Variants in CD320 observed in about 807,000 individuals in gnomAD.
The protein encoded by CD320 is CD320 antigen.
A neutral mutation model predicts 22.1 loss-of-function variants in CD320; 16 were observed. That is an observed-to-expected ratio of 0.73 (90% CI 0.49 to 1.10). The LOEUF (loss-of-function observed/expected upper bound fraction) is 1.10. CD320 is among the 50% of genes least tolerant of loss of function. The pLI is 0.00. For synonymous variants in CD320, 188 were observed against 167.8 expected, an observed-to-expected ratio of 1.12 and a Z score of -0.93; for missense variants, 388 against 376.9, an observed-to-expected ratio of 1.03 and a Z score of -0.24.
chr19:8,304,994 C>A (rs555393902), intron 2 of CD320, 37 bp downstream of exon 2: 3 of 1,598,562 alleles, frequency 1.9e-6, no homozygotes, highest in Admixed American at 1.7e-5. Flanking sequence ...TCAGGCCCCG[C>A]CCCCTGTAAG....
chr19:8,303,994 G>T lies in CD320; in HGVS notation c.363C>A (p.Asp121Glu), dbSNP rs1354321699. 3 of 1,572,534 alleles carry T rather than the reference G, an allele frequency of 1.9e-6. No individual in the cohort carries two copies. In the African/African-American group the frequency reaches 4.1e-5, roughly 21 times the overall value. The change falls in exon 3 of 5, where the codon GAC (aspartate) becomes GAA (glutamate). Residue 121 changes from aspartate (D) to glutamate (E), a missense_variant. Physicochemically the swap from Asp to Glu is conservative, Grantham distance 45. Transcript: ENST00000301458. ...GGCGGCTGCAGTTGCGCAGTTTCTT[G>T]TCAGTTCCCCCAGAGCAGTCACTGA... ...TGVSDCSGGTDKKLRNCSRLA... is the reference protein window; with the variant it reads ...TGVSDCSGGTEKKLRNCSRLA...
intron 1 of CD320, among the ~76,000 whole-genome samples, chr19:8,307,839 C>T (rs928145446): frequency 2.0e-5 from 3 of 152,162 alleles, no homozygotes; most frequent in Admixed American, 2.0e-4. Flanking sequence ...GCTTTCCTGA[C>T]CACGCTGGTA....
At chr19:8,303,128 TTTTTTG>T in intron 3 of CD320, 148 bp from the exon 4 acceptor site, 1 of 689,814 alleles carries the variant, frequency 1.4e-6, no homozygotes, top group Non-Finnish European at 2.5e-6. Context: ...TTTTTTTTTT[TTTTTTG>T]GAGAGGGAGT....
At chr19:8,303,770 CCA>C in intron 3 of CD320, 83 bp downstream of exon 3, 1 of 904,488 alleles carries the variant, frequency 1.1e-6, no homozygotes, top group East Asian at 2.6e-5. Flanking sequence ...AGGCATGTGT[CCA>C]CGCCCCCAGC....
chr19:8,303,748 A>G, intron 3 of CD320, 107 bp downstream of exon 3: 1 of 757,170 alleles, frequency 1.3e-6, no homozygotes, highest in Non-Finnish European at 2.3e-6. Flanking sequence ...ACAGGGATGC[A>G]GGCACGGGCA....
In CD320 at chr19:8,308,346, C is replaced by T; in HGVS notation, c.-56G>A. The T allele has an allele frequency of 1.9e-6, 3 of 1,550,830 alleles. No homozygotes were observed. The highest frequency in any genetic ancestry group is 1.4e-5 in the African/African-American group (1 of 73,250). ...TGTCCAGACCGCTCTCTTATCCCTG[C>T]GCACGCGCACGCGCGGGGTTGGGGC... On this transcript the variant is annotated 5_prime_UTR_variant, in exon 1 of 5. Transcript: ENST00000301458.
At position 8,303,997 on chromosome 19, in the gene CD320, A is replaced by G. The variant is rs1970050014; in HGVS notation, c.360T>C (p.Thr120=). The change falls in exon 3 of 5, where the codon ACT becomes ACC. Residue 120 remains threonine, a synonymous_variant. Coordinates refer to ENST00000301458, the MANE Select transcript of CD320 (RefSeq NM_016579.4). ...CTGVSDCSGG[T]DKKLRNCSRL... ...GGCTGCAGTTGCGCAGTTTCTTGTCAGTTCCCCCAGAGCAGTCACTGACGC... is the reference window on the plus strand; with the variant it reads ...GGCTGCAGTTGCGCAGTTTCTTGTCGGTTCCCCCAGAGCAGTCACTGACGC... 1 of 1,571,268 alleles carries G rather than the reference A, an allele frequency of 6.4e-7. No individual in the cohort carries two copies. Among genetic ancestry groups the G allele is most frequent in the South Asian group, 1.2e-5 (1 of 85,760 alleles).
chr19:8,305,034 A>T lies in CD320; in HGVS notation c.265T>A (p.Cys89Ser). 1 of 1,606,194 alleles carries T rather than the reference A, an allele frequency of 6.2e-7. No homozygotes were observed. The highest frequency in any genetic ancestry group is 8.5e-7 in the Non-Finnish European group (1 of 1,179,576). ...DCSDGSDEEE[C>S]RIEPCTQKGQ... ...GCCAAGGGGCGTGGCCACTCACTGC[A>T]CTCCTCCTCATCGCTGCCATCGCTG... Residue 89 changes from cysteine (C) to serine (S), a missense_variant, in exon 2 of 5, where the codon TGC becomes AGC. Transcript: ENST00000301458.
chr19:8,308,113 G>A (rs1039238660), intron 1 of CD320, 36 bp downstream of exon 1: 2 of 1,446,466 alleles, frequency 1.4e-6, no homozygotes, highest in African/African-American at 1.5e-5. Flanking sequence ...GAAGCCTCGC[G>A]AGGGGTGGGA....
In CD320 at chr19:8,308,332, C is replaced by A; in HGVS notation, c.-42G>T. 6.4e-7 allele frequency: 1 copy of A among 1,572,528 alleles called. No homozygotes were observed. Among genetic ancestry groups the A allele is most frequent in the East Asian group, 2.3e-5 (1 of 43,128 alleles). On this transcript the variant is annotated 5_prime_UTR_variant, in exon 1 of 5. Transcript: ENST00000301458. ...CGCCGGCCACGCGCTGTCCAGACCG[C>A]TCTCTTATCCCTGCGCACGCGCACG...
At position 8,308,357 on chromosome 19, in the gene CD320, G is replaced by A. The variant is rs189442418; in HGVS notation, c.-67C>T. The A allele has an allele frequency of 1.6e-4, 253 of 1,542,608 alleles. No individual in the cohort carries two copies. The African/African-American group carries it at 3.1e-3, about 19-fold the overall frequency. The stretch of plus-strand genomic sequence containing the variant: ...CTCTCTTATCCCTGCGCACGCGCAC[G>A]CGCGGGGTTGGGGCGGGGCCCAAGC... On this transcript the variant is annotated 5_prime_UTR_variant, in exon 1 of 5. Transcript: ENST00000301458.
intron 1 of CD320, 34 bp downstream of exon 1, chr19:8,308,115 G>A (rs763269417): frequency 6.9e-6 from 10 of 1,449,912 alleles, no homozygotes; most frequent in African/African-American, 4.5e-5. Flanking sequence ...AGCCTCGCGA[G>A]GGGTGGGAGC....
chr19:8,303,711 G>C (rs529887110), intron 3 of CD320, 144 bp downstream of exon 3: 4 of 659,476 alleles, frequency 6.1e-6, no homozygotes, highest in Middle Eastern at 4.0e-4. Flanking sequence ...CACCGGGCCC[G>C]GCCCCTAATG....
intron 1 of CD320, among the ~76,000 whole-genome samples, chr19:8,307,600 G>A (rs367744105): frequency 3.4e-4 from 52 of 152,270 alleles, no homozygotes; most frequent in African/African-American, 9.4e-4. Flanking sequence ...GTCCACGGGG[G>A]TATATTCAAC....
rs1450264797 is a variant in CD320 at position 8,302,347 on chromosome 19, G to C, written c.*116C>G. ...GAGCTCGGGTTCGAGGTTCCACGTG[G>C]CCAGAAGAGCTCAGGTCTCTGAGGG... is the stretch of plus-strand genomic sequence containing the variant. On this transcript the variant is annotated 3_prime_UTR_variant, in exon 5 of 5. Coordinates refer to ENST00000301458, the MANE Select transcript of CD320 (RefSeq NM_016579.4). The C allele has an allele frequency of 1.5e-6, 2 of 1,321,382 alleles. No homozygotes were observed. Among genetic ancestry groups the C allele is most frequent in the Non-Finnish European group, 1.1e-6 (1 of 922,410 alleles). 81.9% of individuals were successfully genotyped at this position (1,321,382 alleles called of 1,614,324 possible).
At chr19:8,306,927 G>C (rs1037459857) in intron 1 of CD320, among the ~76,000 whole-genome samples, 1 of 152,240 alleles carries the variant, frequency 6.6e-6, no homozygotes, top group Non-Finnish European at 1.5e-5. Context: ...ACAGTGACCA[G>C]TGACTTTCTC....
At chr19:8,307,680 G>A (rs1447227456) in intron 1 of CD320, among the ~76,000 whole-genome samples, 2 of 152,214 alleles carry the variant, frequency 1.3e-5, no homozygotes, top group East Asian at 3.9e-4. Context: ...TCTAAGGATG[G>A]AGGACAAAGG....
Position 8,302,353 on chromosome 19 carries a change from A to G in CD320, c.*110T>C, listed in dbSNP as rs753582885. ...GGGTTCGAGGTTCCACGTGGCCAGAAGAGCTCAGGTCTCTGAGGGCTGGTG... is the reference window on the plus strand; with the variant it reads ...GGGTTCGAGGTTCCACGTGGCCAGAGGAGCTCAGGTCTCTGAGGGCTGGTG... On this transcript the variant is annotated 3_prime_UTR_variant, in exon 5 of 5. Coordinates refer to ENST00000301458, the MANE Select transcript of CD320 (RefSeq NM_016579.4). 2 of 1,375,230 alleles carry G rather than the reference A, an allele frequency of 1.5e-6. No individual in the cohort carries two copies. The highest frequency in any genetic ancestry group is 3.4e-5 in the Admixed American group (2 of 59,650). 85.2% of individuals were successfully genotyped at this position (1,375,230 alleles called of 1,614,324 possible).
intron 1 of CD320, among the ~76,000 whole-genome samples, chr19:8,307,282 C>CAAAAAAAAAAAA (rs140780600): frequency 8.9e-6 from 1 of 112,578 alleles, no homozygotes. Context: ...GAGGGAGACT[C>CAAAAAAAAAAAA]AAAAAAAAAA....
Sources: allele counts gnomAD v4.1 joint callset (sites outside exome capture counted in the v4.1 genomes callset), GRCh38; gene constraint gnomAD v4.1.1; transcripts MANE v1.5; gene names NCBI Gene and HGNC (gene_info 2026-07-23, HGNC 2026-07-21).